Variants in RORA observed in about 807,000 individuals in gnomAD.
RORA encodes the protein RAR related orphan receptor A.
Under a neutral mutation model 69.5 loss-of-function variants are expected in RORA, and 7 were observed. The observed-to-expected ratio is 0.10, with a 90% CI of 0.06 to 0.19. RORA has a LOEUF of 0.19. Ranked by LOEUF, RORA falls within the 10% of genes least tolerant of loss-of-function variation. The probability of loss-of-function intolerance (pLI) is 1.00; values close to 1 mark genes in which losing one functional copy is unlikely to be tolerated. For synonymous variants in RORA, 261 were observed against 240.8 expected (o/e 1.08, Z -0.78); for missense variants, 457 against 663.0 (o/e 0.69, Z 3.41).
intron 2 of RORA, among the ~76,000 whole-genome samples, chr15:60,638,728 T>C (rs1189779283): frequency 6.6e-6 from 1 of 152,230 alleles, no homozygotes; most frequent in East Asian, 1.9e-4. Flanking sequence ...TCTTTTGTAG[T>C]GGGCTTTTTT....
At chr15:60,520,136 C>G (rs1020395752) in intron 3 of RORA, 1 of 152,078 alleles carries the variant, frequency 6.6e-6, no homozygotes, top group Non-Finnish European at 1.5e-5. Flanking sequence ...TGAACAAATG[C>G]CTGCTGAAAA....
Position 60,991,623 on chromosome 15 carries a change from GT to G in RORA, c.166+237429del, listed in dbSNP as rs571342425. Among the ~76,000 whole-genome samples, 647 of 152,218 alleles carry G rather than the reference GT, an allele frequency of 4.3e-3. 8 individuals carry two copies. The highest frequency in any genetic ancestry group is 0.015 in the African/African-American group (619 of 41,526). ...TGGTATTTAAAAGTTAAGACGGGGT[GT>G]TGGCAGCTCACACCTGTAATCCCAG... On this transcript the variant is annotated intron_variant, in intron 1 of 10. Transcript: ENST00000335670.
chr15:60,614,811 A>G, intron 2 of RORA: 1 of 1,045,204 alleles, frequency 9.6e-7, no homozygotes, highest in African/African-American at 1.6e-5. Flanking sequence ...AAATGAGATT[A>G]TACACACGCA....
intron 3 of RORA, among the ~76,000 whole-genome samples, chr15:60,517,662 C>T (rs1189463394): frequency 6.6e-6 from 1 of 152,176 alleles, no homozygotes; most frequent in Non-Finnish European, 1.5e-5. Flanking sequence ...GACACATAAT[C>T]TCTGTCCAAG....
chr15:60,724,011 T>G (rs2071325858), intron 1 of RORA, among the ~76,000 whole-genome samples: 1 of 152,170 alleles, frequency 6.6e-6, no homozygotes, highest in Admixed American at 6.5e-5. Context: ...GCTTAGCAAA[T>G]GTACCAAATC....
intron 1 of RORA, among the ~76,000 whole-genome samples, chr15:60,684,703 A>G (rs1013397247): frequency 1.6e-4 from 25 of 152,316 alleles, no homozygotes; most frequent in African/African-American, 4.6e-4. Context: ...TTGCAAGTGA[A>G]TGTGGCAGGG....
intron 1 of RORA, among the ~76,000 whole-genome samples, chr15:61,129,700 G>A (rs1316189409): frequency 6.6e-6 from 1 of 152,180 alleles, no homozygotes; most frequent in African/African-American, 2.4e-5. Context: ...GAAATTCCGG[G>A]CACTCTGCTA....
intron 1 of RORA, among the ~76,000 whole-genome samples, chr15:61,205,233 G>C (rs1391427307): frequency 6.6e-6 from 1 of 152,192 alleles, no homozygotes; most frequent in Non-Finnish European, 1.5e-5. Flanking sequence ...CCATTCCTCA[G>C]CCAATGCCAA....
chr15:60,866,228 G>A (rs530961036), intron 1 of RORA, among the ~76,000 whole-genome samples: 2 of 152,072 alleles, frequency 1.3e-5, no homozygotes, highest in East Asian at 1.9e-4. Flanking sequence ...CCAGCCTCTG[G>A]TAGCCATTAT....
chr15:60,925,244 G>T (rs1028753463), intron 1 of RORA, among the ~76,000 whole-genome samples: 2 of 152,088 alleles, frequency 1.3e-5, no homozygotes, highest in Non-Finnish European at 2.9e-5. Context: ...GGCATTTTTT[G>T]AAAGTTGTCA....
chr15:60,569,261 TA>T (rs60382168), intron 2 of RORA, among the ~76,000 whole-genome samples: 28,020 of 89,628 alleles, frequency 0.31, 5,478 homozygotes, highest in African/African-American at 0.62. Context: ...TTTAAAAAAT[TA>T]AAAAAAAAAA....
intron 1 of RORA, among the ~76,000 whole-genome samples, chr15:60,869,409 G>A (rs1159957221): frequency 6.6e-6 from 1 of 152,214 alleles, no homozygotes; most frequent in Non-Finnish European, 1.5e-5. Context: ...AGATTATCCA[G>A]GTGCACCTAA....
chr15:61,054,384 T>C (rs1461680388), intron 1 of RORA, among the ~76,000 whole-genome samples: 1 of 151,944 alleles, frequency 6.6e-6, no homozygotes, highest in Non-Finnish European at 1.5e-5. Flanking sequence ...ACAGCTATAC[T>C]CTTCTTCTTA....
At chr15:60,637,458 A>C (rs1218445480) in intron 2 of RORA, among the ~76,000 whole-genome samples, 1 of 152,036 alleles carries the variant, frequency 6.6e-6, no homozygotes, top group Non-Finnish European at 1.5e-5. Context: ...CAATGTATTG[A>C]ACTTTGTATT....
intron 2 of RORA, among the ~76,000 whole-genome samples, chr15:60,577,264 A>G (rs796566125): frequency 2.6e-5 from 4 of 152,346 alleles, no homozygotes; most frequent in African/African-American, 9.6e-5. Context: ...GCTTTGTCAT[A>G]CAATTTTCAG....
intron 1 of RORA, among the ~76,000 whole-genome samples, chr15:60,687,651 G>A (rs2070768024): frequency 6.6e-6 from 1 of 152,202 alleles, no homozygotes; most frequent in South Asian, 2.1e-4. Context: ...CTGCTCAGGA[G>A]GCTGAGGCAC....
intron 1 of RORA, among the ~76,000 whole-genome samples, chr15:61,174,201 C>T (rs536478134): frequency 6.6e-6 from 1 of 152,336 alleles, no homozygotes; most frequent in East Asian, 1.9e-4. Context: ...GCTCAAAGGT[C>T]TCCTCTGGAA....
At chr15:60,832,893 C>A (rs898795856) in intron 1 of RORA, among the ~76,000 whole-genome samples, 1 of 152,142 alleles carries the variant, frequency 6.6e-6, no homozygotes, top group Non-Finnish European at 1.5e-5. Context: ...ACCTTCTGTT[C>A]CATCCCAACT....
chr15:60,855,080 G>A (rs112384840), intron 1 of RORA, among the ~76,000 whole-genome samples: 190 of 152,352 alleles, frequency 1.2e-3, no homozygotes, highest in African/African-American at 4.1e-3. Flanking sequence ...GCTTGTCTGT[G>A]TGGCTGACCA....
Sources: gnomAD v4.1 joint callset for allele counts (sites outside exome capture counted in the v4.1 genomes callset) on GRCh38, gnomAD v4.1.1 for gene constraint, MANE v1.5 for transcripts, NCBI Gene and HGNC (gene_info 2026-07-23, HGNC 2026-07-21) for gene names.